LDAH: variants seen among roughly 807,000 people sequenced by gnomAD.
LDAH encodes the protein lipid droplet associated hydrolase, also known as lipid droplet-associated hydrolase.
Under a neutral mutation model 29.6 loss-of-function variants are expected in LDAH, and 26 were observed. The ratio of observed to expected loss-of-function variants is 0.88; its 90% CI spans 0.64 to 1.22. LDAH has a LOEUF of 1.22. LDAH is among the 50% of genes most tolerant of loss of function. The pLI is 0.00. For synonymous variants in LDAH, 117 were observed against 133.0 expected (o/e 0.88, Z 0.83); for missense variants, 344 against 387.3 (o/e 0.89, Z 0.94).
chr2:20,717,678 A>T (rs778536414), intron 5 of LDAH, among the ~76,000 whole-genome samples: 3 of 152,214 alleles, frequency 2.0e-5, no homozygotes, highest in African/African-American at 7.2e-5. Context: ...TTTTTGTAAC[A>T]TCAGAAATTC....
chr2:20,803,170 A>AC (rs1383346629), intron 1 of LDAH, among the ~76,000 whole-genome samples: 1 of 152,234 alleles, frequency 6.6e-6, no homozygotes, highest in Non-Finnish European at 1.5e-5. Context: ...ACAGCTCCCC[A>AC]CAACAAATAA....
At chr2:20,778,716 G>A (rs1355884865) in intron 3 of LDAH, among the ~76,000 whole-genome samples, 2 of 152,094 alleles carry the variant, frequency 1.3e-5, no homozygotes, top group African/African-American at 4.8e-5. Context: ...ATTTGTGTGA[G>A]AAAAGAACAC....
intron 6 of LDAH, among the ~76,000 whole-genome samples, chr2:20,691,881 C>G (rs1217183532): frequency 6.6e-6 from 1 of 152,156 alleles, no homozygotes; most frequent in Non-Finnish European, 1.5e-5. Context: ...TTACTATGGT[C>G]TCTGGGCTTA....
chr2:20,788,962 T>C, intron 3 of LDAH: 1 of 624,524 alleles, frequency 1.6e-6, no homozygotes, highest in Non-Finnish European at 2.7e-6. Flanking sequence ...ACTTCTTCCA[T>C]TTAGAAACCT....
At chr2:20,687,629 T>A (rs553255783) in intron 6 of LDAH, among the ~76,000 whole-genome samples, 2 of 152,230 alleles carry the variant, frequency 1.3e-5, no homozygotes, top group Non-Finnish European at 2.9e-5. Flanking sequence ...AAAGGCTCTA[T>A]GCAGCCTGTA....
chr2:20,716,082 T>A (rs535982451), intron 5 of LDAH, among the ~76,000 whole-genome samples: 1 of 152,156 alleles, frequency 6.6e-6, no homozygotes, highest in Non-Finnish European at 1.5e-5. Context: ...AAACAACAGA[T>A]GCTGGAGAGG....
intron 5 of LDAH, among the ~76,000 whole-genome samples, chr2:20,705,574 T>C (rs1664241385): frequency 6.6e-6 from 1 of 152,204 alleles, no homozygotes; most frequent in South Asian, 2.1e-4. Context: ...TTCTATAGCC[T>C]TTCTCTTTTT....
chr2:20,752,390 C>T (rs1668029078), intron 4 of LDAH, among the ~76,000 whole-genome samples: 1 of 152,130 alleles, frequency 6.6e-6, no homozygotes, highest in African/African-American at 2.4e-5. Context: ...GGGAACATGA[C>T]AGAAATAATG....
At chr2:20,699,721 G>T (rs937422595) in intron 6 of LDAH, among the ~76,000 whole-genome samples, 2 of 152,138 alleles carry the variant, frequency 1.3e-5, no homozygotes, top group Non-Finnish European at 2.9e-5. Context: ...GTGACTGTGT[G>T]TTAATACTAA....
chr2:20,821,164 GGTGGGACTGTAAACTAGCTCAACCATT>G (rs1673254941), intron 1 of LDAH, among the ~76,000 whole-genome samples: 1 of 152,216 alleles, frequency 6.6e-6, no homozygotes, highest in Non-Finnish European at 1.5e-5. Context: ...TTACACTGTT[GGTGGGACTGTAAACTAGCTCAACCATT>G]GTGGAAGTCA....
chr2:20,810,299 C>T (rs1672379854), intron 1 of LDAH, among the ~76,000 whole-genome samples: 1 of 152,186 alleles, frequency 6.6e-6, no homozygotes, highest in Non-Finnish European at 1.5e-5. Context: ...CCAATATGGG[C>T]TACTTAAGCT....
intron 4 of LDAH, among the ~76,000 whole-genome samples, chr2:20,754,458 T>A (rs1396842458): frequency 1.6e-5 from 2 of 124,306 alleles, no homozygotes; most frequent in African/African-American, 3.3e-5. Flanking sequence ...GCTACTGCAC[T>A]CCAGTCTGGG....
chr2:20,799,186 C>T (rs528493518), intron 2 of LDAH, among the ~76,000 whole-genome samples: 1 of 152,180 alleles, frequency 6.6e-6, no homozygotes, highest in African/African-American at 2.4e-5. Flanking sequence ...TGAGATCATA[C>T]CACTGCACTC....
intron 5 of LDAH, among the ~76,000 whole-genome samples, chr2:20,716,720 G>GTATATATATATATATATATATATATA (rs1362301507): frequency 0.015 from 1,908 of 129,652 alleles, 98 homozygotes; most frequent in Non-Finnish European, 0.022. Flanking sequence ...AGAACTTTAA[G>GTATATATATATATATATATATATATA]TATATATACA....
chr2:20,724,401 T>C (rs1274480763), intron 5 of LDAH, among the ~76,000 whole-genome samples: 1 of 152,222 alleles, frequency 6.6e-6, no homozygotes, highest in Non-Finnish European at 1.5e-5. Flanking sequence ...CATTATTCTC[T>C]CCAGTGCTTA....
intron 6 of LDAH, among the ~76,000 whole-genome samples, chr2:20,699,029 T>C (rs1304886635): frequency 6.6e-6 from 1 of 152,218 alleles, no homozygotes; most frequent in Non-Finnish European, 1.5e-5. Flanking sequence ...TAGAATGCTG[T>C]CTGCATGATA....
At chr2:20,700,138 T>C (rs1663816804) in intron 6 of LDAH, among the ~76,000 whole-genome samples, 1 of 152,262 alleles carries the variant, frequency 6.6e-6, no homozygotes, top group Admixed American at 6.5e-5. Context: ...ACAGTTTAAA[T>C]GGAAAATAAA....
intron 5 of LDAH, among the ~76,000 whole-genome samples, chr2:20,723,378 G>A (rs1665794533): frequency 6.6e-6 from 1 of 151,996 alleles, no homozygotes; most frequent in Admixed American, 6.6e-5. Flanking sequence ...TTCTTGAGTG[G>A]GTGGCAGTTA....
At chr2:20,799,665 T>C (rs1352946117) in intron 2 of LDAH, among the ~76,000 whole-genome samples, 1 of 152,152 alleles carries the variant, frequency 6.6e-6, no homozygotes, top group Admixed American at 6.5e-5. Context: ...TCTCTCTTCA[T>C]CCCTCCTCCC....
Sources: allele counts gnomAD v4.1 joint callset (sites outside exome capture counted in the v4.1 genomes callset), GRCh38; gene constraint gnomAD v4.1.1; transcripts MANE v1.5; gene names NCBI Gene and HGNC (gene_info 2026-07-23, HGNC 2026-07-21).